Variants in FNDC1 observed in about 807,000 individuals in gnomAD.
The protein encoded by FNDC1 is fibronectin type III domain-containing protein 1.
In FNDC1, 96 loss-of-function variants were observed where a neutral mutation model predicts 168.0. The observed-to-expected ratio is 0.57, with a 90% confidence interval of 0.48 to 0.68. FNDC1 has a LOEUF of 0.68. Ranked by LOEUF, FNDC1 falls within the 30% of genes least tolerant of loss-of-function variation. FNDC1 has a pLI of 0.00. For missense variants in FNDC1, 2,587 were observed against 2,482.1 expected, an observed-to-expected ratio of 1.04 and a Z score of -0.90; for synonymous variants, 1,099 against 1,025.9, an observed-to-expected ratio of 1.07 and a Z score of -1.36.
At chr6:159,205,190 C>T (rs574124849) in intron 4 of FNDC1, among the ~76,000 whole-genome samples, 100 of 152,238 alleles carry the variant, frequency 6.6e-4, no homozygotes, top group African/African-American at 2.2e-3. Flanking sequence ...TTATTTGATA[C>T]CAAAACAATG....
chr6:159,231,964 T>C lies in FNDC1; in HGVS notation c.1452T>C (p.Ala484=), dbSNP rs1783091333. The C allele has an allele frequency of 6.2e-7, 1 of 1,613,808 alleles. No homozygotes were observed. Among genetic ancestry groups the C allele is most frequent in the African/African-American group, 1.3e-5 (1 of 74,898 alleles). The change falls in exon 11 of 23, where the codon GCT becomes GCC. Residue 484 remains alanine (A), a synonymous_variant. Transcript: ENST00000297267. Reference sequence around the variant, plus strand: ...AGCCTTCCTCACCTTCTCCCAGAGCTCCAGCTTCCTCCCAACACCCCTCTG... The same window carrying C: ...AGCCTTCCTCACCTTCTCCCAGAGCCCCAGCTTCCTCCCAACACCCCTCTG... ...KPEPSSPSPR[A]PASSQHPSVP...
chr6:159,202,569 T>A (rs531617487), intron 4 of FNDC1, among the ~76,000 whole-genome samples: 10 of 152,332 alleles, frequency 6.6e-5, no homozygotes, highest in African/African-American at 1.4e-4. Context: ...ACTGATAGGG[T>A]CTCACATCCT....
intron 11 of FNDC1, 104 bp downstream of exon 11, chr6:159,234,583 C>A (rs939474641): frequency 2.8e-6 from 3 of 1,056,606 alleles, no homozygotes; most frequent in East Asian, 2.6e-5. Context: ...ACTATGTCCA[C>A]GCACCGTGTT....
chr6:159,255,728 T>C (rs1777357856), intron 17 of FNDC1, among the ~76,000 whole-genome samples: 1 of 152,186 alleles, frequency 6.6e-6, no homozygotes, highest in African/African-American at 2.4e-5. Flanking sequence ...TCAAATTCAA[T>C]TGAGAGTACC....
At position 159,181,454 on chromosome 6, in the gene FNDC1, C is replaced by T. The variant is rs73591236; in HGVS notation, c.109+11749C>T. Among the ~76,000 whole-genome samples the T allele has an allele frequency of 3.9e-3, 596 of 152,294 alleles. 4 individuals are homozygous for T. The highest frequency in any genetic ancestry group is 0.013 in the African/African-American group (546 of 41,558). ...ATAAGTAATTAACTCACATCTTCTGCGGGCAGGGCACTGTGCTAGGCTCTG... is the reference window on the plus strand; with the variant it reads ...ATAAGTAATTAACTCACATCTTCTGTGGGCAGGGCACTGTGCTAGGCTCTG... On this transcript the variant is annotated intron_variant, in intron 1 of 22. Transcript: ENST00000297267.
At position 159,233,377 on chromosome 6, in the gene FNDC1, C is replaced by A. The variant is rs774648652; in HGVS notation, c.2865C>A (p.Ser955Arg). Residue 955 changes from serine (S) to arginine (R), a missense_variant, in exon 11 of 23, where the codon AGC (serine) becomes AGA (arginine). Transcript: ENST00000297267. The surrounding 1 kb of genome is among the most constrained non-coding windows in gnomAD (Gnocchi z 4.6). ...LASKAQDVQQ[S>R]TDADTEGHSP... ...CCAAGGCTCAGGATGTTCAACAGAG[C>A]ACAGACGCGGACACGGAGGGTCATT... The A allele has an allele frequency of 6.2e-7, 1 of 1,613,746 alleles. No homozygotes were observed. The highest frequency in any genetic ancestry group is 8.5e-7 in the Non-Finnish European group (1 of 1,179,854).
chr6:159,221,128 G>A (rs1485400679), intron 5 of FNDC1, among the ~76,000 whole-genome samples: 1 of 152,136 alleles, frequency 6.6e-6, no homozygotes, highest in Non-Finnish European at 1.5e-5. Context: ...AGAAAGACCT[G>A]GGCTACTCAT....
chr6:159,196,273 A>G (rs895758905), intron 1 of FNDC1, among the ~76,000 whole-genome samples: 26 of 152,200 alleles, frequency 1.7e-4, no homozygotes, highest in African/African-American at 6.0e-4. Flanking sequence ...CAGAATAGAC[A>G]TTCTTTCTCT....
chr6:159,227,489 C>G (rs1369630568), intron 9 of FNDC1, among the ~76,000 whole-genome samples: 3 of 152,186 alleles, frequency 2.0e-5, no homozygotes, highest in Admixed American at 1.3e-4. Flanking sequence ...GAATGGTTCT[C>G]TTTTATATTC....
chr6:159,262,017 A>C (rs545191911), intron 19 of FNDC1, among the ~76,000 whole-genome samples: 1 of 152,168 alleles, frequency 6.6e-6, no homozygotes, highest in African/African-American at 2.4e-5. Context: ...CTGAAAAGGG[A>C]GGATGGTTTG....
intron 1 of FNDC1, among the ~76,000 whole-genome samples, chr6:159,176,581 G>A (rs1781766025): frequency 6.6e-6 from 1 of 152,224 alleles, no homozygotes; most frequent in African/African-American, 2.4e-5. Flanking sequence ...TCATGTGCAA[G>A]GAACCAGGAA....
intron 4 of FNDC1, among the ~76,000 whole-genome samples, chr6:159,206,543 A>G (rs771708226): frequency 1.3e-5 from 2 of 152,218 alleles, no homozygotes; most frequent in African/African-American, 2.4e-5. Context: ...TGTGCTTGGT[A>G]GAGGAGTGGG....
Position 159,229,905 on chromosome 6 carries a change from G to A in FNDC1, c.1271G>A (p.Gly424Asp), listed in dbSNP as rs757905225. 1.2e-6 allele frequency: 2 copies of A among 1,613,970 alleles called. No homozygotes were observed. Among genetic ancestry groups the A allele is most frequent in the East Asian group, 2.2e-5 (1 of 44,886 alleles). Reference protein sequence around the residue: ...PGDTTSALVDGLQPGERYLFK... With the variant: ...PGDTTSALVDDLQPGERYLFK... ...GACACTACTTCTGCCCTGGTGGATG[G>A]TCTGCAGCCTGGGGAACGCTATCTT... Residue 424 changes from glycine to aspartate, a missense_variant, in exon 10 of 23, where the codon GGT (glycine) becomes GAT (aspartate). Transcript: ENST00000297267.
At chr6:159,174,414 G>A (rs1403422720) in intron 1 of FNDC1, among the ~76,000 whole-genome samples, 1 of 152,252 alleles carries the variant, frequency 6.6e-6, no homozygotes, top group African/African-American at 2.4e-5. Flanking sequence ...CCTCGGCCCG[G>A]CCTGGGCAGC....
chr6:159,178,166 C>T (rs113791267), intron 1 of FNDC1, among the ~76,000 whole-genome samples: 132 of 152,360 alleles, frequency 8.7e-4, no homozygotes, highest in African/African-American at 3.0e-3. Context: ...AACCTGACGT[C>T]TGCCCAGCAA....
rs201277705 is a variant in FNDC1, at chr6:159,215,037, G to A, written c.553G>A (p.Ala185Thr). 9.9e-6 allele frequency: 16 copies of A among 1,614,038 alleles called. No individual in the cohort carries two copies. The East Asian group carries it at 3.3e-4, about 34-fold the overall frequency. The change falls in exon 5 of 23, where the codon GCC becomes ACC. Residue 185 changes from alanine (A) to threonine (T), a missense_variant. Coordinates refer to ENST00000297267, the MANE Select transcript of FNDC1 (RefSeq NM_032532.3). Reference sequence around the variant, plus strand: ...GTGGAAGGCACCACGCCTGTCTGGAGCCAAGAGTCCACGCAGATCACGGGG... The same window carrying A: ...GTGGAAGGCACCACGCCTGTCTGGAACCAAGAGTCCACGCAGATCACGGGG... Reference protein sequence around the residue: ...VAWKAPRLSGAKSPRRSRGFL... With the variant: ...VAWKAPRLSGTKSPRRSRGFL...
rs1783201973 is a variant in FNDC1, at chr6:159,234,478, A to T, written c.3966A>T (p.Gln1322His). 1 of 1,612,910 alleles carries T rather than the reference A, an allele frequency of 6.2e-7. No homozygotes were observed. The highest frequency in any genetic ancestry group is 8.5e-7 in the Non-Finnish European group (1 of 1,179,754). The change falls in exon 11 of 23, where the codon CAA (glutamine) becomes CAT (histidine). Residue 1322 changes from glutamine to histidine, a missense_variant and splice_region_variant. Transcript: ENST00000297267. ...SRQPARPSYR[Q>H]GYNGRPNVEG... ...AGCCTGCCAGACCCTCTTACAGACAAGGTAGTTTATTTTTTCAAACAGTCT... is the reference window on the plus strand; with the variant it reads ...AGCCTGCCAGACCCTCTTACAGACATGGTAGTTTATTTTTTCAAACAGTCT...
rs1346198665 is a variant in FNDC1, at chr6:159,234,552, A to G, written c.3967+73A>G. On this transcript the variant is annotated intron_variant, in intron 11 of 22. Coordinates refer to ENST00000297267, the MANE Select transcript of FNDC1 (RefSeq NM_032532.3). ...TCATGGCAATGCCTAAGAAGTTTTT[A>G]TTCTATTGCATTTAGCACCTACTAT... The G allele has an allele frequency of 2.8e-6, 4 of 1,411,858 alleles. No individual in the cohort carries two copies. The East Asian group carries it at 7.1e-5, about 25-fold the overall frequency. The allele number at this position is 1,411,858 out of a possible 1,614,324, so 87.5% of individuals were successfully genotyped here.
intron 14 of FNDC1, chr6:159,240,689 A>G (rs1163381592): frequency 6.6e-6 from 1 of 152,202 alleles, no homozygotes; most frequent in Non-Finnish European, 1.5e-5. Context: ...CTCCCTGAAG[A>G]GCAGGAGCTA....
Sources: gnomAD v4.1 joint callset for allele counts (sites outside exome capture counted in the v4.1 genomes callset) on GRCh38, gnomAD v4.1.1 for gene constraint, Gnocchi (gnomAD v3.1) non-coding constraint, MANE v1.5 for transcripts, NCBI Gene and HGNC (gene_info 2026-07-23, HGNC 2026-07-21) for gene names.